Variants in OPCML observed in about 807,000 individuals in gnomAD.
The protein encoded by OPCML is opioid binding protein/cell adhesion molecule like, also known as opioid-binding protein/cell adhesion molecule.
In OPCML, 13 loss-of-function variants were observed where a neutral mutation model predicts 37.8. The ratio of observed to expected loss-of-function variants is 0.34; its 90% CI spans 0.22 to 0.55. OPCML has a LOEUF of 0.55. Ranked by LOEUF, OPCML falls within the 20% of genes least tolerant of loss-of-function variation. The pLI is 0.91. For missense variants in OPCML, 341 were observed against 435.6 expected (o/e 0.78, Z 1.93); for synonymous variants, 176 against 168.8 (o/e 1.04, Z -0.33).
At chr11:132,923,201 A>G (rs1944872067) in intron 2 of OPCML, among the ~76,000 whole-genome samples, 1 of 152,162 alleles carries the variant, frequency 6.6e-6, no homozygotes, top group South Asian at 2.1e-4. Context: ...TTCCCCCTGC[A>G]TGCTCTGGTA....
Position 132,505,834 on chromosome 11 carries a change from GA to G in OPCML, c.505+23226del, listed in dbSNP as rs2096255567. 4.0e-5 allele frequency among the ~76,000 whole-genome samples: 6 copies of G among 151,068 alleles called. No homozygotes were observed. The South Asian group carries it at 1.3e-3, about 32-fold the overall frequency. ...ACACACGTGGAACTAAGTTTCCTTA[GA>G]ACGAGCTACAACAGAACCAACCATT... On this transcript the variant is annotated intron_variant, in intron 4 of 7. Transcript: ENST00000524381.
chr11:132,839,384 G>C (rs1409353930), intron 2 of OPCML, among the ~76,000 whole-genome samples: 1 of 152,210 alleles, frequency 6.6e-6, no homozygotes, highest in African/African-American at 2.4e-5. Context: ...AAGCATGAAA[G>C]CTGAACACCA....
intron 4 of OPCML, among the ~76,000 whole-genome samples, chr11:132,508,772 G>A (rs1455354252): frequency 6.6e-6 from 1 of 152,162 alleles, no homozygotes; most frequent in Non-Finnish European, 1.5e-5. Flanking sequence ...GGCCTCCCCA[G>A]ACATGTGGAA....
At chr11:133,226,824 C>T (rs367640066) in intron 1 of OPCML, among the ~76,000 whole-genome samples, 1 of 152,146 alleles carries the variant, frequency 6.6e-6, no homozygotes, top group South Asian at 2.1e-4. Context: ...CCAGAGGAGC[C>T]CAAACCAGCG....
chr11:132,448,790 G>A (rs1213253297), intron 4 of OPCML, among the ~76,000 whole-genome samples: 3 of 152,206 alleles, frequency 2.0e-5, no homozygotes, highest in Non-Finnish European at 4.4e-5. Flanking sequence ...GAGATCAGAA[G>A]ACCGAGGATC....
intron 3 of OPCML, among the ~76,000 whole-genome samples, chr11:132,631,558 C>G (rs1193802393): frequency 6.6e-6 from 1 of 151,160 alleles, no homozygotes; most frequent in South Asian, 2.1e-4. Context: ...CTCCCGGGTT[C>G]ACGCCATTCG....
intron 3 of OPCML, among the ~76,000 whole-genome samples, chr11:132,601,134 T>G (rs1187538867): frequency 1.3e-5 from 2 of 152,054 alleles, no homozygotes; most frequent in Non-Finnish European, 2.9e-5. Flanking sequence ...GGTTAAAAAT[T>G]AAAACAAAAA....
intron 1 of OPCML, among the ~76,000 whole-genome samples, chr11:133,308,812 T>C (rs1270688141): frequency 6.6e-6 from 1 of 152,156 alleles, no homozygotes; most frequent in Non-Finnish European, 1.5e-5. Context: ...CTGAAAAGTA[T>C]AAAAGCAATC....
intron 2 of OPCML, among the ~76,000 whole-genome samples, chr11:132,743,552 A>G (rs750031776): frequency 2.6e-5 from 4 of 152,324 alleles, no homozygotes; most frequent in Admixed American, 2.6e-4. Context: ...TTCCTAAAAT[A>G]CTTTTCAAAA....
In OPCML at chr11:132,989,184, T is replaced by C. The variant is rs574931989; in HGVS notation, c.62-46174A>G. Among the ~76,000 whole-genome samples the C allele has an allele frequency of 9.2e-5, 14 of 152,318 alleles. No homozygotes were observed. In the South Asian group the frequency reaches 2.9e-3, roughly 32 times the overall value. On this transcript the variant is annotated intron_variant, in intron 1 of 7. Coordinates refer to ENST00000524381, the MANE Select transcript of OPCML (RefSeq NM_001012393.5). ...CCCAGCGAATCCATTCCTCAGCAGA[T>C]ATTTTCATAGCAACCCTGTTCACAA...
Position 132,529,362 on chromosome 11 carries a change from T to C in OPCML, c.380-176A>G, listed in dbSNP as rs769207970. The C allele has an allele frequency of 1.4e-4, 42 of 294,230 alleles. 1 individual carries two copies. Among genetic ancestry groups the C allele is most frequent in the Non-Finnish European group, 2.0e-4 (39 of 198,430 alleles). The allele number at this position is 294,230 out of a possible 1,614,324, so 18.2% of individuals were successfully genotyped here. ...GCCATATACATTTACCTTGTATTTA[T>C]GGTAGAAGGAGCTCTATATTATACC... On this transcript the variant is annotated intron_variant, in intron 3 of 7. Transcript: ENST00000524381.
chr11:132,462,458 C>T (rs1159507573), intron 4 of OPCML, among the ~76,000 whole-genome samples: 1 of 152,196 alleles, frequency 6.6e-6, no homozygotes, highest in South Asian at 2.1e-4. Flanking sequence ...CACAGGAAAG[C>T]TGGGTGTCCA....
At chr11:133,486,206 A>G (rs1184012588) in intron 1 of OPCML, among the ~76,000 whole-genome samples, 1 of 152,208 alleles carries the variant, frequency 6.6e-6, no homozygotes, top group South Asian at 2.1e-4. Context: ...ATTCACTAAG[A>G]GAATGTTTGT....
chr11:133,179,324 G>C (rs1362685050), intron 1 of OPCML, among the ~76,000 whole-genome samples: 1 of 152,180 alleles, frequency 6.6e-6, no homozygotes. Context: ...TAGGATAATA[G>C]ACATCTCAGG....
At chr11:133,351,536 C>T (rs962883712) in intron 1 of OPCML, among the ~76,000 whole-genome samples, 4 of 75,188 alleles carry the variant, frequency 5.3e-5, no homozygotes, top group Non-Finnish European at 1.1e-4. Context: ...TCACCTAAGC[C>T]TCTCCTTCTC....
intron 4 of OPCML, among the ~76,000 whole-genome samples, chr11:132,528,631 G>C (rs1467007568): frequency 6.6e-6 from 1 of 152,156 alleles, no homozygotes; most frequent in Non-Finnish European, 1.5e-5. Flanking sequence ...TGTGGCTCTG[G>C]ATAAATGTCC....
intron 1 of OPCML, among the ~76,000 whole-genome samples, chr11:133,217,780 C>T (rs1939645920): frequency 6.6e-6 from 1 of 152,204 alleles, no homozygotes; most frequent in African/African-American, 2.4e-5. Flanking sequence ...AGGCCAGGTG[C>T]AGTGGCTAGC....
chr11:133,456,697 A>T (rs1431127390), intron 1 of OPCML, among the ~76,000 whole-genome samples: 2 of 152,026 alleles, frequency 1.3e-5, no homozygotes, highest in Admixed American at 6.5e-5. Flanking sequence ...ATATGAACAA[A>T]ATAATAATAT....
At chr11:132,509,570 C>G (rs1309647370) in intron 4 of OPCML, among the ~76,000 whole-genome samples, 1 of 152,148 alleles carries the variant, frequency 6.6e-6, no homozygotes, top group Non-Finnish European at 1.5e-5. Flanking sequence ...GGACTTGGTG[C>G]CCTGTGTCGC....
Sources: allele counts gnomAD v4.1 joint callset (sites outside exome capture counted in the v4.1 genomes callset), GRCh38; gene constraint gnomAD v4.1.1; transcripts MANE v1.5; gene names NCBI Gene and HGNC (gene_info 2026-07-23, HGNC 2026-07-21).